SOBP: variants seen among roughly 807,000 people sequenced by gnomAD.
SOBP encodes sine oculis-binding protein homolog.
SOBP carries 4 observed loss-of-function variants against 53.6 expected under a neutral mutation model. The ratio of observed to expected loss-of-function variants is 0.07; its 90% CI spans 0.04 to 0.17. SOBP has a LOEUF of 0.17. Ranked by LOEUF, SOBP falls within the 10% of genes least tolerant of loss-of-function variation. The probability of loss-of-function intolerance (pLI) is 1.00; values close to 1 mark genes in which losing one functional copy is unlikely to be tolerated. For synonymous variants in SOBP, 584 were observed against 522.6 expected, an observed-to-expected ratio of 1.12 and a Z score of -1.60; for missense variants, 1,088 against 1,204.7, an observed-to-expected ratio of 0.90 and a Z score of 1.43.
intron 5 of SOBP, among the ~76,000 whole-genome samples, chr6:107,611,082 C>T (rs569390113): frequency 1.3e-5 from 2 of 152,350 alleles, no homozygotes; most frequent in Admixed American, 1.3e-4. Flanking sequence ...CCCAGCCAAC[C>T]CCATCAGCCT....
intron 5 of SOBP, among the ~76,000 whole-genome samples, chr6:107,622,817 T>C (rs1012865617): frequency 6.6e-6 from 1 of 152,228 alleles, no homozygotes; most frequent in African/African-American, 2.4e-5. Flanking sequence ...GGATATTTAG[T>C]ATAAAATATG....
In SOBP at chr6:107,582,395, C is replaced by T. The variant is rs111916106; in HGVS notation, c.574-4685C>T. Among the ~76,000 whole-genome samples, 675 of 152,004 alleles carry T rather than the reference C, an allele frequency of 4.4e-3. 7 individuals carry two copies. The highest frequency in any genetic ancestry group is 0.016 in the African/African-American group (644 of 41,456). Reference sequence around the variant, plus strand: ...AGGTGAATACAAAGTTTGTTTAAACCAGAGGTTTTTGAAGTAGAGAGGCAA... The same window carrying T: ...AGGTGAATACAAAGTTTGTTTAAACTAGAGGTTTTTGAAGTAGAGAGGCAA... On this transcript the variant is annotated intron_variant, in intron 4 of 6. Coordinates refer to ENST00000317357, the MANE Select transcript of SOBP (RefSeq NM_018013.4).
At chr6:107,607,146 C>T (rs1430608173) in intron 5 of SOBP, among the ~76,000 whole-genome samples, 6 of 152,142 alleles carry the variant, frequency 3.9e-5, no homozygotes, top group Admixed American at 2.0e-4. Context: ...TTAAATGTTC[C>T]GCCTGTTGTC....
intron 1 of SOBP, among the ~76,000 whole-genome samples, chr6:107,496,213 G>A (rs1032430700): frequency 6.6e-6 from 1 of 152,168 alleles, no homozygotes; most frequent in South Asian, 2.1e-4. Context: ...AAGTCTTGGT[G>A]ATTTTTTAAG....
chr6:107,656,371 A>AAGAC (rs139349510), intron 6 of SOBP, among the ~76,000 whole-genome samples: 3,289 of 79,382 alleles, frequency 0.041, 83 homozygotes, highest in East Asian at 0.085. Context: ...GAAAGAAAGT[A>AAGAC]AGTCAAATGT....
chr6:107,643,900 A>G lies in SOBP; in HGVS notation c.*3+8431A>G, dbSNP rs371039909. Among the ~76,000 whole-genome samples, 9 of 152,208 alleles carry G rather than the reference A, an allele frequency of 5.9e-5. No individual in the cohort carries two copies. The East Asian group carries it at 1.5e-3, about 26-fold the overall frequency. On this transcript the variant is annotated intron_variant, in intron 6 of 6. Transcript: ENST00000317357. Reference sequence around the variant, plus strand: ...ATTTTTAGTAGAATCAGCTTATTTTATTATTTTTTAAATGTATTAAAAAAT... The same window carrying G: ...ATTTTTAGTAGAATCAGCTTATTTTGTTATTTTTTAAATGTATTAAAAAAT...
At chr6:107,649,938 A>G (rs1771732951) in intron 6 of SOBP, among the ~76,000 whole-genome samples, 1 of 152,220 alleles carries the variant, frequency 6.6e-6, no homozygotes, top group Non-Finnish European at 1.5e-5. Context: ...ATGACCACTT[A>G]TAAGAAAAAA....
At chr6:107,561,848 A>G (rs76597674) in intron 4 of SOBP, among the ~76,000 whole-genome samples, 1 of 152,172 alleles carries the variant, frequency 6.6e-6, no homozygotes, top group East Asian at 1.9e-4. Flanking sequence ...ACAGCTTGAT[A>G]GTTTAAAAAG....
chr6:107,622,208 G>A (rs944495025), intron 5 of SOBP, among the ~76,000 whole-genome samples: 8 of 152,140 alleles, frequency 5.3e-5, no homozygotes, highest in Non-Finnish European at 1.2e-4. Context: ...AGGTAGACGG[G>A]GTGCCAGAGG....
chr6:107,594,554 T>A (rs1231561420), intron 5 of SOBP, among the ~76,000 whole-genome samples: 1 of 151,400 alleles, frequency 6.6e-6, no homozygotes, highest in Non-Finnish European at 1.5e-5. Flanking sequence ...CATTTAATAG[T>A]AAAATTTTTA....
chr6:107,633,309 T>C (rs1374036014), intron 5 of SOBP, among the ~76,000 whole-genome samples: 2 of 152,236 alleles, frequency 1.3e-5, no homozygotes, highest in East Asian at 1.9e-4. Context: ...GTTGTGATAA[T>C]TGGTATTCTG....
Position 107,501,188 on chromosome 6 carries a change from C to T in SOBP, c.97-2469C>T, listed in dbSNP as rs141681300. Among the ~76,000 whole-genome samples, 30 of 152,240 alleles carry T rather than the reference C, an allele frequency of 2.0e-4. No homozygotes were observed. In the East Asian group the frequency reaches 3.9e-3, roughly 20 times the overall value. On this transcript the variant is annotated intron_variant, in intron 1 of 6. Coordinates refer to ENST00000317357, the MANE Select transcript of SOBP (RefSeq NM_018013.4). ...AAGCCTCTGACTTTTCAGCACAAAC[C>T]GTAAACTAAACTGATGTAGTTTTGA...
At chr6:107,584,912 T>C (rs1785519923) in intron 4 of SOBP, among the ~76,000 whole-genome samples, 1 of 152,182 alleles carries the variant, frequency 6.6e-6, no homozygotes, top group Admixed American at 6.5e-5. Flanking sequence ...TGTGTATGAA[T>C]GTGTATACAT....
chr6:107,524,717 G>A (rs1783612872), intron 3 of SOBP, among the ~76,000 whole-genome samples: 1 of 152,164 alleles, frequency 6.6e-6, no homozygotes, highest in African/African-American at 2.4e-5. Flanking sequence ...CCCAGTGCAG[G>A]CAAAGGAGGC....
At chr6:107,576,428 A>G (rs1216552841) in intron 4 of SOBP, among the ~76,000 whole-genome samples, 1 of 152,176 alleles carries the variant, frequency 6.6e-6, no homozygotes, top group Non-Finnish European at 1.5e-5. Flanking sequence ...TTTGGACAAC[A>G]TTATGCAATG....
chr6:107,594,664 T>TA (rs1022029402), intron 5 of SOBP, among the ~76,000 whole-genome samples: 121 of 152,352 alleles, frequency 7.9e-4, no homozygotes, highest in African/African-American at 2.9e-3. Context: ...GTGCCTCTGA[T>TA]ACCGTGCTAA....
Position 107,490,727 on chromosome 6 carries a change from C to G in SOBP, c.96+15C>G. On this transcript the variant is annotated intron_variant, in intron 1 of 6. Transcript: ENST00000317357. Reference sequence around the variant, plus strand: ...AGGAGATGAAGGTATTTTTTGATCTCGGGGGCCAGGGAGACTGAGCTCTTT... The same window carrying G: ...AGGAGATGAAGGTATTTTTTGATCTGGGGGGCCAGGGAGACTGAGCTCTTT... 6.4e-7 allele frequency: 1 copy of G among 1,565,344 alleles called. No homozygotes were observed. The highest frequency in any genetic ancestry group is 2.3e-5 in the East Asian group (1 of 43,222).
intron 2 of SOBP, among the ~76,000 whole-genome samples, chr6:107,504,127 A>G (rs1782916967): frequency 6.6e-6 from 1 of 152,250 alleles, no homozygotes; most frequent in Non-Finnish European, 1.5e-5. Flanking sequence ...TTGATAGATC[A>G]TCATCTGTTG....
chr6:107,575,135 C>A (rs1309898113), intron 4 of SOBP, among the ~76,000 whole-genome samples: 1 of 152,108 alleles, frequency 6.6e-6, no homozygotes, highest in East Asian at 1.9e-4. Context: ...CTTTTATGGG[C>A]TCTTTGGTCT....
Sources: allele counts gnomAD v4.1 joint callset (sites outside exome capture counted in the v4.1 genomes callset), GRCh38; gene constraint gnomAD v4.1.1; transcripts MANE v1.5; gene names NCBI Gene and HGNC (gene_info 2026-07-23, HGNC 2026-07-21).